The following NLGN1 variants were observed in gnomAD, a reference collection of about 807,000 sequenced individuals.
NLGN1 encodes the protein neuroligin-1.
Under a neutral mutation model 65.5 loss-of-function variants are expected in NLGN1, and 12 were observed. That is an observed-to-expected ratio of 0.18 (90% CI 0.12 to 0.30). The LOEUF is 0.30. Ranked by LOEUF, NLGN1 falls within the 10% of genes least tolerant of loss-of-function variation. The pLI is 1.00. For missense variants in NLGN1, 750 were observed against 1,007.1 expected (o/e 0.74, Z 3.46); for synonymous variants, 350 against 359.5 (o/e 0.97, Z 0.30).
chr3:173,971,297 CAAG>C (rs1478517916), intron 4 of NLGN1, among the ~76,000 whole-genome samples: 1 of 151,844 alleles, frequency 6.6e-6, no homozygotes, highest in Non-Finnish European at 1.5e-5. Context: ...AAAATATTCA[CAAG>C]AAGGAGCCAC....
At chr3:173,418,254 T>A (rs1714205293) in intron 1 of NLGN1, among the ~76,000 whole-genome samples, 1 of 151,750 alleles carries the variant, frequency 6.6e-6, no homozygotes, top group Admixed American at 6.6e-5. Context: ...AATATTATTG[T>A]ATACTATAAT....
At chr3:173,486,470 T>G (rs954048377) in intron 2 of NLGN1, among the ~76,000 whole-genome samples, 6 of 152,130 alleles carry the variant, frequency 3.9e-5, no homozygotes, top group African/African-American at 1.4e-4. Context: ...ACATGGAAAT[T>G]ATCAGTCTAG....
chr3:173,813,570 A>G (rs1259570273), intron 4 of NLGN1, among the ~76,000 whole-genome samples: 4 of 152,184 alleles, frequency 2.6e-5, no homozygotes, highest in African/African-American at 4.8e-5. Context: ...TTCTATTTTC[A>G]TTTATTCATA....
In NLGN1 at chr3:174,116,330, C is replaced by CTTTTTTTTTTTTTT. The variant is rs1168837585; in HGVS notation, c.647-158971_647-158958dup. 8.6e-5 allele frequency among the ~76,000 whole-genome samples: 6 copies of CTTTTTTTTTTTTTT among 69,634 alleles called. 2 individuals carry two copies. The highest frequency in any genetic ancestry group is 6.0e-5 in the Non-Finnish European group (2 of 33,126). 45.7% of individuals were successfully genotyped at this position (69,634 alleles called of 152,430 possible). A position where few individuals can be genotyped will look rare whatever the true frequency, so the allele number is the denominator to read the frequency against. On this transcript the variant is annotated intron_variant, in intron 4 of 6. Coordinates refer to ENST00000457714, the Ensembl canonical transcript of NLGN1. The stretch of plus-strand genomic sequence containing the variant: ...ACATGTAAGTTTTTTTCTGGGTTTT[C>CTTTTTTTTTTTTTT]TTTTTTTTTTTTTTTTTTTTTTTTT...
intron 2 of NLGN1, among the ~76,000 whole-genome samples, chr3:173,510,974 C>G (rs1388166248): frequency 6.6e-6 from 1 of 152,176 alleles, no homozygotes; most frequent in Non-Finnish European, 1.5e-5. Context: ...GGAACCAATT[C>G]TAGCACGGAC....
intron 4 of NLGN1, among the ~76,000 whole-genome samples, chr3:173,940,554 G>A (rs953802101): frequency 2.0e-5 from 3 of 152,094 alleles, no homozygotes; most frequent in South Asian, 2.1e-4. Context: ...TGTGTCATTC[G>A]GAAAAACTGT....
At chr3:173,775,635 A>G (rs1211188021) in intron 3 of NLGN1, among the ~76,000 whole-genome samples, 1 of 152,138 alleles carries the variant, frequency 6.6e-6, no homozygotes, top group Non-Finnish European at 1.5e-5. Context: ...TTTTGCGATT[A>G]TCATTTATTA....
intron 4 of NLGN1, among the ~76,000 whole-genome samples, chr3:174,182,292 T>C (rs2152748147): frequency 6.6e-6 from 1 of 152,302 alleles, no homozygotes; most frequent in East Asian, 1.9e-4. Flanking sequence ...TAAATTTAAG[T>C]GGTTGAAATG....
intron 2 of NLGN1, among the ~76,000 whole-genome samples, chr3:173,462,009 T>C (rs1311372913): frequency 6.6e-6 from 1 of 152,206 alleles, no homozygotes; most frequent in Non-Finnish European, 1.5e-5. Flanking sequence ...GAACATTTTC[T>C]ATAAGTTATT....
At chr3:173,777,588 A>C (rs1270306327) in intron 3 of NLGN1, among the ~76,000 whole-genome samples, 2 of 151,806 alleles carry the variant, frequency 1.3e-5, no homozygotes, top group Non-Finnish European at 3.0e-5. Flanking sequence ...CCTACTGTGC[A>C]ATAGAAGACC....
chr3:173,499,642 G>A (rs959539749), intron 2 of NLGN1, among the ~76,000 whole-genome samples: 3 of 151,710 alleles, frequency 2.0e-5, no homozygotes, highest in Non-Finnish European at 4.4e-5. Flanking sequence ...AAATTACCTC[G>A]GGCAGTGTGG....
chr3:173,565,705 A>G (rs1282026450), intron 2 of NLGN1, among the ~76,000 whole-genome samples: 3 of 152,160 alleles, frequency 2.0e-5, no homozygotes, highest in South Asian at 2.1e-4. Context: ...AGTTATATGT[A>G]TTACCACATA....
At chr3:174,236,923 TA>T (rs1741819076) in intron 4 of NLGN1, among the ~76,000 whole-genome samples, 3 of 152,136 alleles carry the variant, frequency 2.0e-5, no homozygotes, top group Admixed American at 1.3e-4. Flanking sequence ...TACATCTATA[TA>T]CACTCTGCTT....
At chr3:173,986,756 A>G (rs1207197263) in intron 4 of NLGN1, among the ~76,000 whole-genome samples, 1 of 152,166 alleles carries the variant, frequency 6.6e-6, no homozygotes, top group Non-Finnish European at 1.5e-5. Context: ...CTGCATAGAA[A>G]TCTATTCAAT....
At chr3:173,439,143 A>G (rs1444162466) in intron 2 of NLGN1, among the ~76,000 whole-genome samples, 1 of 152,198 alleles carries the variant, frequency 6.6e-6, no homozygotes, top group African/African-American at 2.4e-5. Flanking sequence ...CTTAGGCAAC[A>G]AAGTTTGTTT....
intron 4 of NLGN1, among the ~76,000 whole-genome samples, chr3:174,124,324 C>T (rs988901552): frequency 6.6e-6 from 1 of 151,894 alleles, no homozygotes; most frequent in African/African-American, 2.4e-5. Flanking sequence ...GAACATAAAT[C>T]CACTGAATAT....
At chr3:174,016,544 A>C (rs1277893604) in intron 4 of NLGN1, among the ~76,000 whole-genome samples, 1 of 152,176 alleles carries the variant, frequency 6.6e-6, no homozygotes, top group Non-Finnish European at 1.5e-5. Flanking sequence ...CATAGGGAGT[A>C]ACACCCTCAA....
chr3:173,720,564 C>G (rs1161125891), intron 3 of NLGN1, among the ~76,000 whole-genome samples: 1 of 152,132 alleles, frequency 6.6e-6, no homozygotes, highest in Non-Finnish European at 1.5e-5. Flanking sequence ...TGTTTCAGCT[C>G]TAGAAACAAC....
intron 4 of NLGN1, among the ~76,000 whole-genome samples, chr3:174,052,520 A>C (rs1240091692): frequency 1.3e-5 from 2 of 151,950 alleles, no homozygotes; most frequent in African/African-American, 4.8e-5. Flanking sequence ...AATAAATTTC[A>C]TATTTCTTAC....
Sources: allele counts gnomAD v4.1 joint callset (sites outside exome capture counted in the v4.1 genomes callset), GRCh38; gene constraint gnomAD v4.1.1; transcripts MANE v1.5; gene names NCBI Gene and HGNC (gene_info 2026-07-23, HGNC 2026-07-21).